MACROD2: variants seen among roughly 807,000 people sequenced by gnomAD.
The protein encoded by MACROD2 is ADP-ribose glycohydrolase MACROD2.
MACROD2 carries 36 observed loss-of-function variants against 70.4 expected under a neutral mutation model. The observed-to-expected ratio is 0.51, with a 90% confidence interval of 0.39 to 0.68. The LOEUF (loss-of-function observed/expected upper bound fraction) is 0.68, where lower values mean the gene tolerates loss of function less well. Among genes scored for constraint, MACROD2 ranks in the 30% least tolerant of loss-of-function variants. MACROD2 has a pLI of 0.00. For missense variants in MACROD2, 496 were observed against 538.4 expected (o/e 0.92, Z 0.78); for synonymous variants, 172 against 178.8 (o/e 0.96, Z 0.30).
At chr20:15,771,542 A>G (rs1433403096) in intron 8 of MACROD2, among the ~76,000 whole-genome samples, 1 of 151,328 alleles carries the variant, frequency 6.6e-6, no homozygotes, top group Non-Finnish European at 1.5e-5. Context: ...TAAATTTTCT[A>G]TTTAAAAAAA....
chr20:15,356,504 C>A (rs1196406705), intron 6 of MACROD2, among the ~76,000 whole-genome samples: 2 of 152,040 alleles, frequency 1.3e-5, no homozygotes, highest in South Asian at 2.1e-4. Context: ...AAACAATAGC[C>A]AGGTGTGATG....
intron 8 of MACROD2, among the ~76,000 whole-genome samples, chr20:15,756,060 G>A (rs1352116755): frequency 1.3e-5 from 2 of 152,088 alleles, no homozygotes; most frequent in African/African-American, 2.4e-5. Flanking sequence ...TGCCACCTCT[G>A]TCCCCTTGCC....
At chr20:14,362,422 G>A (rs2083230450) in intron 3 of MACROD2, among the ~76,000 whole-genome samples, 1 of 152,144 alleles carries the variant, frequency 6.6e-6, no homozygotes, top group South Asian at 2.1e-4. Context: ...TAGCTAGCGG[G>A]ATTTTGCAGT....
At chr20:14,323,307 G>A (rs2082684295) in intron 3 of MACROD2, 1 of 152,134 alleles carries the variant, frequency 6.6e-6, no homozygotes, top group South Asian at 2.1e-4. Context: ...CAAGGAAACA[G>A]ATTTACTGAC....
chr20:15,116,689 A>G (rs559310941), intron 5 of MACROD2, among the ~76,000 whole-genome samples: 1 of 152,186 alleles, frequency 6.6e-6, no homozygotes, highest in Admixed American at 6.5e-5. Flanking sequence ...TGATTTTCTT[A>G]ATAACATCTT....
rs1190854451 is a variant in MACROD2 at position 14,512,676 on chromosome 20, A to AT, written c.301+19168_301+19169insT. ...TGCTTCTCATGAGCACACACCTCAC[A>AT]CGTACTTGACCTGAGAGGAGATGCT... On this transcript the variant is annotated intron_variant, in intron 4 of 17. Coordinates refer to ENST00000684519, the MANE Select transcript of MACROD2 (RefSeq NM_001351661.2). 8.6e-5 allele frequency among the ~76,000 whole-genome samples: 13 copies of AT among 152,002 alleles called. No individual in the cohort carries two copies. In the East Asian group the frequency reaches 2.5e-3, roughly 29 times the overall value.
chr20:14,276,013 T>C (rs1001590336), intron 3 of MACROD2, among the ~76,000 whole-genome samples: 32 of 151,688 alleles, frequency 2.1e-4, no homozygotes, highest in Admixed American at 2.0e-4. Context: ...ATAGGAACAC[T>C]TTTACACTGT....
At chr20:14,347,858 T>C (rs1467794711) in intron 3 of MACROD2, among the ~76,000 whole-genome samples, 1 of 152,154 alleles carries the variant, frequency 6.6e-6, no homozygotes, top group Non-Finnish European at 1.5e-5. Flanking sequence ...CCATTAGGAA[T>C]ATGGGGCAGC....
chr20:14,429,345 G>T (rs1168524602), intron 3 of MACROD2, among the ~76,000 whole-genome samples: 3 of 152,106 alleles, frequency 2.0e-5, no homozygotes, highest in Non-Finnish European at 4.4e-5. Flanking sequence ...TCATGGTCCT[G>T]TTAGGTAAAA....
At chr20:14,227,700 A>C (rs2081755574) in intron 3 of MACROD2, among the ~76,000 whole-genome samples, 1 of 152,244 alleles carries the variant, frequency 6.6e-6, no homozygotes, top group Non-Finnish European at 1.5e-5. Context: ...TTCCGGATAC[A>C]CTGGGATTTA....
chr20:14,234,718 A>G (rs1192332598), intron 3 of MACROD2, among the ~76,000 whole-genome samples: 2 of 152,242 alleles, frequency 1.3e-5, no homozygotes, highest in Non-Finnish European at 2.9e-5. Flanking sequence ...ACCCATCACA[A>G]ACAGACAGAC....
intron 6 of MACROD2, among the ~76,000 whole-genome samples, chr20:15,232,549 G>A (rs2076968022): frequency 6.6e-6 from 1 of 151,922 alleles, no homozygotes; most frequent in African/African-American, 2.4e-5. Context: ...GTTGTTATAG[G>A]GATCAGTCGG....
At chr20:15,238,047 T>A (rs1264288362) in intron 6 of MACROD2, among the ~76,000 whole-genome samples, 2 of 152,194 alleles carry the variant, frequency 1.3e-5, no homozygotes, top group African/African-American at 2.4e-5. Flanking sequence ...TAAATGTCAT[T>A]TCTGCATAGC....
At chr20:14,467,327 CTCCGAGCCA>C (rs1330339825) in intron 3 of MACROD2, among the ~76,000 whole-genome samples, 9 of 152,256 alleles carry the variant, frequency 5.9e-5, no homozygotes, top group African/African-American at 2.2e-4. Flanking sequence ...GCGTAGGACC[CTCCGAGCCA>C]GTTGCGGGAT....
chr20:15,260,830 A>G (rs2077243087), intron 6 of MACROD2, among the ~76,000 whole-genome samples: 2 of 152,024 alleles, frequency 1.3e-5, no homozygotes, highest in South Asian at 4.1e-4. Context: ...TAATGTAATA[A>G]TGTATTTACT....
At chr20:14,008,668 C>T (rs1042446836) in intron 2 of MACROD2, among the ~76,000 whole-genome samples, 6 of 152,122 alleles carry the variant, frequency 3.9e-5, no homozygotes, top group Non-Finnish European at 5.9e-5. Flanking sequence ...CAAGACAGTC[C>T]TAAGCAAAAA....
intron 10 of MACROD2, among the ~76,000 whole-genome samples, chr20:15,916,460 G>A (rs1195179624): frequency 1.3e-5 from 2 of 152,220 alleles, no homozygotes; most frequent in Non-Finnish European, 2.9e-5. Context: ...ATACACGCAA[G>A]AGGAGGAGAC....
chr20:15,274,053 A>G (rs1363538001), intron 6 of MACROD2, among the ~76,000 whole-genome samples: 1 of 152,238 alleles, frequency 6.6e-6, no homozygotes, highest in Non-Finnish European at 1.5e-5. Context: ...GAGCTAAGAT[A>G]GTTCTAAGAG....
intron 2 of MACROD2, among the ~76,000 whole-genome samples, chr20:14,076,457 T>TGA (rs2053917553): frequency 6.6e-6 from 1 of 151,646 alleles, no homozygotes; most frequent in Admixed American, 6.6e-5. Flanking sequence ...TCAAAATCAG[T>TGA]CTGGGCAACA....
Sources: allele counts gnomAD v4.1 joint callset (sites outside exome capture counted in the v4.1 genomes callset), GRCh38; gene constraint gnomAD v4.1.1; transcripts MANE v1.5; gene names NCBI Gene and HGNC (gene_info 2026-07-23, HGNC 2026-07-21).